CNKSR2: variants seen among roughly 807,000 people sequenced by gnomAD.
The protein encoded by CNKSR2 is CNK homolog protein 2.
Under a neutral mutation model 84.4 loss-of-function variants are expected in CNKSR2, and 14 were observed. The ratio of observed to expected loss-of-function variants is 0.17; its 90% confidence interval spans 0.11 to 0.26. The LOEUF (loss-of-function observed/expected upper bound fraction) is 0.26, where lower values mean the gene tolerates loss of function less well. CNKSR2 is among the 10% of genes least tolerant of loss of function. The pLI is 1.00. For synonymous variants in CNKSR2, 275 were observed against 277.9 expected (o/e 0.99, Z 0.10); for missense variants, 485 against 771.2 (o/e 0.63, Z 4.40).
At chrX:21,581,956 G>T (rs757219376) in intron 13 of CNKSR2, among the ~76,000 whole-genome samples, 1 of 111,839 alleles carries the variant, frequency 8.9e-6, no homozygotes, top group African/African-American at 3.3e-5. Context: ...TAAAGAATTA[G>T]TCAAAAGGCA....
intron 19 of CNKSR2, among the ~76,000 whole-genome samples, chrX:21,608,688 C>T (rs1471224160): frequency 8.9e-6 from 1 of 111,750 alleles, no homozygotes; most frequent in African/African-American, 3.3e-5. Context: ...GCCCAAGCTA[C>T]ATGAAATCAG....
chrX:21,569,052 C>T (rs954731450), intron 13 of CNKSR2, among the ~76,000 whole-genome samples: 1 of 111,719 alleles, frequency 9.0e-6, no homozygotes, highest in African/African-American at 3.3e-5. Context: ...AAGCAAGTCA[C>T]ACAAGATTTT....
chrX:21,649,060 G>C (rs1211660898), intron 21 of CNKSR2, 33 bp downstream of exon 21: 1 of 1,032,633 alleles, frequency 9.7e-7, no homozygotes, highest in Non-Finnish European at 1.3e-6. Flanking sequence ...AAATTTCTTT[G>C]AAGAGATTCA....
chrX:21,528,553 GT>G (rs2091856546), intron 10 of CNKSR2, among the ~76,000 whole-genome samples: 1 of 110,812 alleles, frequency 9.0e-6, no homozygotes, highest in South Asian at 3.7e-4. Context: ...ATCCAGTTTT[GT>G]CTTCTGAGTG....
intron 20 of CNKSR2, among the ~76,000 whole-genome samples, chrX:21,610,260 G>A (rs751345844): frequency 2.7e-5 from 3 of 112,139 alleles, no homozygotes; most frequent in Admixed American, 9.4e-5. Context: ...CTCAATTTAT[G>A]TGAATCAACT....
At chrX:21,650,575 T>TA (rs768513178) in intron 21 of CNKSR2, among the ~76,000 whole-genome samples, 29 of 103,300 alleles carry the variant, frequency 2.8e-4, no homozygotes, top group South Asian at 4.2e-4. Context: ...AAAGTATAAT[T>TA]AAAAAAAAAA....
chrX:21,537,394 C>T (rs538231083), intron 11 of CNKSR2, among the ~76,000 whole-genome samples: 10 of 111,117 alleles, frequency 9.0e-5, no homozygotes, highest in African/African-American at 3.3e-4. Context: ...GTCTATAGTG[C>T]AGTTTAAGTC....
intron 1 of CNKSR2, among the ~76,000 whole-genome samples, chrX:21,394,388 G>A (rs1411761493): frequency 9.0e-6 from 1 of 111,325 alleles, no homozygotes; most frequent in Non-Finnish European, 1.9e-5. Context: ...CTTTGTTTTG[G>A]GAACTCTTTC....
intron 5 of CNKSR2, among the ~76,000 whole-genome samples, chrX:21,475,315 A>G (rs1316103197): frequency 8.9e-6 from 1 of 111,848 alleles, no homozygotes; most frequent in African/African-American, 3.2e-5. Context: ...TAAATACCTA[A>G]TGTATACCTA....
rs771195415 is a variant in CNKSR2, at chrX:21,598,010, T to C, written c.1976+2615T>C. Among the ~76,000 whole-genome samples, 42 of 98,956 alleles carry C rather than the reference T, an allele frequency of 4.2e-4. 1 individual carries two copies. The highest frequency in any genetic ancestry group is 5.1e-3 in the Middle Eastern group (1 of 198). The allele number at this position is 98,956 out of a possible 115,157, so 85.9% of individuals were successfully genotyped here. On this transcript the variant is annotated intron_variant, in intron 17 of 21. Coordinates refer to ENST00000379510, the MANE Select transcript of CNKSR2 (RefSeq NM_014927.5). ...ATTTTCTTCTGTAAAATCATACACATATATATATATATATATACACACACA... is the reference window on the plus strand; with the variant it reads ...ATTTTCTTCTGTAAAATCATACACACATATATATATATATATACACACACA...
chrX:21,386,255 T>C (rs919631313), intron 1 of CNKSR2, among the ~76,000 whole-genome samples: 1 of 111,468 alleles, frequency 9.0e-6, no homozygotes, highest in Non-Finnish European at 1.9e-5. Flanking sequence ...TTTGGTGCGT[T>C]CCTATGGATC....
At chrX:21,380,593 C>T (rs1031648114) in intron 1 of CNKSR2, among the ~76,000 whole-genome samples, 3 of 109,257 alleles carry the variant, frequency 2.7e-5, no homozygotes, top group Non-Finnish European at 3.8e-5. Flanking sequence ...ATTACAGGCA[C>T]CCACCACCAC....
intron 11 of CNKSR2, among the ~76,000 whole-genome samples, chrX:21,540,531 T>TA (rs917337660): frequency 5.4e-5 from 6 of 110,995 alleles, no homozygotes; most frequent in African/African-American, 9.8e-5. Flanking sequence ...ATATATTGTT[T>TA]AAAAAAAAAC....
In CNKSR2 at chrX:21,462,832, C is replaced by A. The variant is rs145122758; in HGVS notation, c.520-7934C>A. 7.2e-3 allele frequency among the ~76,000 whole-genome samples: 776 copies of A among 108,167 alleles called. 1 individual carries two copies. The highest frequency in any genetic ancestry group is 0.01 in the Non-Finnish European group (545 of 52,234). The allele number at this position is 108,167 out of a possible 115,157, so 93.9% of individuals were successfully genotyped here. A position where few individuals can be genotyped will look rare whatever the true frequency, so the allele number is the denominator to read the frequency against. On this transcript the variant is annotated intron_variant, in intron 4 of 21. Coordinates refer to ENST00000379510, the MANE Select transcript of CNKSR2 (RefSeq NM_014927.5). ...GGGTTCAAGTGATTCTCCTGCCTCA[C>A]CCTCCCAAGTAGCTGGGACTACAGG...
At chrX:21,406,752 A>G (rs191155357) in intron 1 of CNKSR2, among the ~76,000 whole-genome samples, 8 of 111,506 alleles carry the variant, frequency 7.2e-5, no homozygotes, top group Non-Finnish European at 1.3e-4. Flanking sequence ...AGGGGAGTCA[A>G]TATCATGTCT....
At chrX:21,620,923 A>G (rs2092598981) in intron 20 of CNKSR2, among the ~76,000 whole-genome samples, 1 of 111,531 alleles carries the variant, frequency 9.0e-6, no homozygotes, top group Admixed American at 9.5e-5. Flanking sequence ...ACCAGCCAGG[A>G]ATTCCCAAGT....
intron 13 of CNKSR2, among the ~76,000 whole-genome samples, chrX:21,569,790 A>G (rs1285109983): frequency 8.9e-6 from 1 of 112,249 alleles, no homozygotes; most frequent in Non-Finnish European, 1.9e-5. Context: ...TGAATGGCTG[A>G]TATATTAGCA....
Position 21,654,165 on chromosome X carries a change from T to C in CNKSR2, c.*1644T>C, listed in dbSNP as rs2092726907. ...ATGTATTAATGTTTGTATGGAATTTTGGGTCCAGTGTAATATTTTTATCAT... is the reference window on the plus strand; with the variant it reads ...ATGTATTAATGTTTGTATGGAATTTCGGGTCCAGTGTAATATTTTTATCAT... On this transcript the variant is annotated 3_prime_UTR_variant, in exon 22 of 22. Transcript: ENST00000379510. The C allele has an allele frequency of 9.2e-6, 1 of 108,276 alleles. No individual in the cohort carries two copies. Among genetic ancestry groups the C allele is most frequent in the Non-Finnish European group, 1.9e-5 (1 of 52,318 alleles). 8.9% of individuals were successfully genotyped at this position (108,276 alleles called of 1,213,427 possible).
intron 5 of CNKSR2, among the ~76,000 whole-genome samples, chrX:21,488,797 G>C (rs1196371646): frequency 9.0e-6 from 1 of 111,069 alleles, no homozygotes; most frequent in African/African-American, 3.3e-5. Flanking sequence ...GTCAAGCTGG[G>C]AACAATGTCA....
Sources: allele counts gnomAD v4.1 joint callset (sites outside exome capture counted in the v4.1 genomes callset), GRCh38; gene constraint gnomAD v4.1.1; transcripts MANE v1.5; gene names NCBI Gene and HGNC (gene_info 2026-07-23, HGNC 2026-07-21).